The following CCNA1 variants were observed in gnomAD, a reference collection of about 807,000 sequenced individuals.
The protein encoded by CCNA1 is cyclin A1, also known as cyclin-A1.
In CCNA1, 23 loss-of-function variants were observed where a neutral mutation model predicts 54.1. The observed-to-expected ratio is 0.42, with a 90% confidence interval of 0.31 to 0.60. The LOEUF is 0.60. Among genes scored for constraint, CCNA1 ranks in the 20% least tolerant of loss-of-function variants. The pLI, the probability that CCNA1 is intolerant of heterozygous loss-of-function variation, is 0.14. For synonymous variants in CCNA1, 208 were observed against 213.9 expected (o/e 0.97, Z 0.24); for missense variants, 450 against 556.7 (o/e 0.81, Z 1.93).
At position 36,440,407 on chromosome 13, in the gene CCNA1, C is replaced by T. The variant is rs974807526; in HGVS notation, c.1098+224C>T. On this transcript the variant is annotated intron_variant, in intron 6 of 8. Coordinates refer to ENST00000255465, the MANE Select transcript of CCNA1 (RefSeq NM_003914.4). The stretch of plus-strand genomic sequence containing the variant: ...AGGCACGGGTTGTCTAATCACCCAA[C>T]TATTTAAAAATTTAAGCTTGGAAAC... Among the ~76,000 whole-genome samples the T allele has an allele frequency of 6.6e-5, 10 of 152,270 alleles. No homozygotes were observed. In the South Asian group the frequency reaches 1.2e-3, roughly 19 times the overall value.
At chr13:36,442,079 T>C (rs1416417374) in intron 7 of CCNA1, 92 bp from the exon 8 acceptor site, 1 of 934,272 alleles carries the variant, frequency 1.1e-6, no homozygotes, top group African/African-American at 1.6e-5. Context: ...GAATATTTAC[T>C]AAGGGACTAA....
intron 2 of CCNA1, among the ~76,000 whole-genome samples, chr13:36,436,096 G>A (rs1015183984): frequency 3.9e-5 from 6 of 152,100 alleles, no homozygotes; most frequent in South Asian, 2.1e-4. Context: ...TTCAAGTTTT[G>A]TAATTGATTG....
In CCNA1 at chr13:36,442,159, T is replaced by C; in HGVS notation, c.1213-12T>C. Reference sequence around the variant, plus strand: ...GTTATGTGAAGCAATTTTTTTCTTTTGTCTTGATTAGCCAGAAACCCTTGC... The same window carrying C: ...GTTATGTGAAGCAATTTTTTTCTTTCGTCTTGATTAGCCAGAAACCCTTGC... On this transcript the variant is annotated splice_polypyrimidine_tract_variant and intron_variant, in intron 7 of 8. Coordinates refer to ENST00000255465, the MANE Select transcript of CCNA1 (RefSeq NM_003914.4). 1 of 1,602,348 alleles carries C rather than the reference T, an allele frequency of 6.2e-7. No homozygotes were observed. The highest frequency in any genetic ancestry group is 1.1e-5 in the South Asian group (1 of 89,888).
At chr13:36,434,830 C>G (rs954420766) in intron 2 of CCNA1, among the ~76,000 whole-genome samples, 3 of 119,750 alleles carry the variant, frequency 2.5e-5, no homozygotes, top group Admixed American at 1.7e-4. Context: ...AGAGGTGCCC[C>G]CCCCCCCGCG....
At chr13:36,433,408 TTC>T (rs1191791228) in intron 2 of CCNA1, among the ~76,000 whole-genome samples, 187 bp downstream of exon 2, 2 of 119,264 alleles carry the variant, frequency 1.7e-5, no homozygotes, top group South Asian at 2.5e-4. Flanking sequence ...CTTTCTTTCT[TTC>T]TTTCTTTCTT....
upstream of CCNA1, chr13:36,432,301 T>C: frequency 3.2e-6 from 1 of 308,464 alleles, no homozygotes; most frequent in Non-Finnish European, 5.9e-6. Flanking sequence ...CTCAGCCGCA[T>C]CGCTAAGCCC....
chr13:36,434,110 G>A (rs908852888), intron 2 of CCNA1, among the ~76,000 whole-genome samples: 4 of 152,122 alleles, frequency 2.6e-5, no homozygotes, highest in Admixed American at 2.0e-4. Context: ...TGTTCATTGC[G>A]GATAGTGTTA....
intron 7 of CCNA1, among the ~76,000 whole-genome samples, chr13:36,441,779 CT>C (rs914978898): frequency 3.3e-5 from 5 of 151,998 alleles, no homozygotes; most frequent in South Asian, 2.1e-4. Context: ...GCTGCATTTT[CT>C]TTTTTTAAAA....
chr13:36,438,666 A>T lies in CCNA1; in HGVS notation c.692A>T (p.His231Leu), dbSNP rs762449343. The T allele has an allele frequency of 6.2e-7, 1 of 1,613,974 alleles. No individual in the cohort carries two copies. ...CAGATAAGGCACAGACCCAAAGCACACTACATGAAGAAGCAGCCAGACATC... is the reference window on the plus strand; with the variant it reads ...CAGATAAGGCACAGACCCAAAGCACTCTACATGAAGAAGCAGCCAGACATC... The change falls in exon 5 of 9, where the codon CAC becomes CTC. Residue 231 changes from histidine to leucine, a missense_variant. Coordinates refer to ENST00000255465, the MANE Select transcript of CCNA1 (RefSeq NM_003914.4).
In CCNA1 at chr13:36,438,727, G is replaced by A. The variant is rs1347926323; in HGVS notation, c.753G>A (p.Leu251=). The stretch of plus-strand genomic sequence containing the variant: ...TGCGCACGATTCTGGTGGACTGGCT[G>A]GTGGAGGTTGGGGAAGAATATAAAC... Residue 251 remains leucine (L), a synonymous_variant, in exon 5 of 9, where the codon CTG becomes CTA. Transcript: ENST00000255465. 10 of 1,614,110 alleles carry A rather than the reference G, an allele frequency of 6.2e-6. No homozygotes were observed. Among genetic ancestry groups the A allele is most frequent in the Non-Finnish European group, 7.6e-6 (9 of 1,179,974 alleles).
chr13:36,442,403 G>C, intron 8 of CCNA1, 99 bp downstream of exon 8: 1 of 1,365,716 alleles, frequency 7.3e-7, no homozygotes, highest in Middle Eastern at 1.9e-4. Flanking sequence ...TGTGTATCTG[G>C]TGCCAGGTTG....
chr13:36,440,239 A>G, intron 6 of CCNA1, 56 bp downstream of exon 6: 16 of 1,403,902 alleles, frequency 1.1e-5, no homozygotes, highest in East Asian at 2.3e-5. Context: ...GTAAAAATCA[A>G]CCTTTCCCAA....
intron 8 of CCNA1, 29 bp from the exon 9 acceptor site, chr13:36,442,585 T>TGC (rs769869873): frequency 6.2e-7 from 1 of 1,612,530 alleles, no homozygotes; most frequent in Non-Finnish European, 8.5e-7. Flanking sequence ...CCTTGGCTTG[T>TGC]GCTGACCTTG....
chr13:36,442,587 C>T, intron 8 of CCNA1, 27 bp from the exon 9 acceptor site: 1 of 1,612,490 alleles, frequency 6.2e-7, no homozygotes, highest in Non-Finnish European at 8.5e-7. Flanking sequence ...TTGGCTTGTG[C>T]TGACCTTGCT....
At position 36,442,656 on chromosome 13, in the gene CCNA1, T is replaced by C. The variant is rs1424869794; in HGVS notation, c.1389T>C (p.Leu463=). The stretch of plus-strand genomic sequence containing the variant: ...TCATGGAGCCACCTGCAGTTCTTCT[T>C]CTACAATAAGTTTCTGAATGGAAGC... The change falls in exon 9 of 9, where the codon CTT becomes CTC. Residue 463 remains leucine, a synonymous_variant. Transcript: ENST00000255465. 3.7e-6 allele frequency: 6 copies of C among 1,613,810 alleles called. No homozygotes were observed. The East Asian group carries it at 8.9e-5, about 24-fold the overall frequency.
At chr13:36,438,230 G>C in intron 4 of CCNA1, 39 bp downstream of exon 4, 1 of 1,578,078 alleles carries the variant, frequency 6.3e-7, no homozygotes, top group Non-Finnish European at 8.6e-7. Flanking sequence ...TTCAGGACCC[G>C]AGCTCTTATT....
intron 2 of CCNA1, among the ~76,000 whole-genome samples, chr13:36,433,422 C>CTT (rs148456089): frequency 1.6e-5 from 2 of 121,874 alleles, no homozygotes; most frequent in Non-Finnish European, 1.8e-5. Context: ...TTCTTTCTTT[C>CTT]TTTCTTTCTT....
At position 36,433,400 on chromosome 13, in the gene CCNA1, TTCTTTC is replaced by T. The variant is rs2055748069; in HGVS notation, c.297+181_297+186del. Among the ~76,000 whole-genome samples, 2 of 106,032 alleles carry T rather than the reference TTCTTTC, an allele frequency of 1.9e-5. 1 individual carries two copies. Among genetic ancestry groups the T allele is most frequent in the South Asian group, 5.5e-4 (2 of 3,656 alleles). The allele number at this position is 106,032 out of a possible 152,430, so 69.6% of individuals were successfully genotyped here. On this transcript the variant is annotated intron_variant, in intron 2 of 8. Transcript: ENST00000255465. ...TTTCTTTCTTTCTTTCTTTCTTTCT[TTCTTTC>T]TTTCTTTCTTTCTTTCTTTCTTTCT...
In CCNA1 at chr13:36,438,211, A is replaced by T; in HGVS notation, c.669+20A>T. On this transcript the variant is annotated intron_variant, in intron 4 of 8. Transcript: ENST00000255465. ...GCTGAAGTAAGTTTTCCCACCTTCT[A>T]CTTCAATCTTCAGGACCCGAGCTCT... The T allele has an allele frequency of 6.2e-7, 1 of 1,604,176 alleles. No individual in the cohort carries two copies. Among genetic ancestry groups the T allele is most frequent in the Non-Finnish European group, 8.5e-7 (1 of 1,175,898 alleles).
Sources: gnomAD v4.1 joint callset for allele counts (sites outside exome capture counted in the v4.1 genomes callset) on GRCh38, gnomAD v4.1.1 for gene constraint, MANE v1.5 for transcripts, NCBI Gene and HGNC (gene_info 2026-07-23, HGNC 2026-07-21) for gene names.